Variants in PELI3 observed in about 807,000 individuals in gnomAD.
PELI3 encodes the protein pellino E3 ubiquitin protein ligase family member 3, also known as E3 ubiquitin-protein ligase pellino homolog 3.
Under a neutral mutation model 35.5 loss-of-function variants are expected in PELI3, and 19 were observed. The observed-to-expected ratio is 0.54, with a 90% confidence interval of 0.37 to 0.79. The LOEUF (loss-of-function observed/expected upper bound fraction) is 0.79, where lower values mean the gene tolerates loss of function less well. Ranked by LOEUF, PELI3 falls within the 30% of genes least tolerant of loss-of-function variation. The pLI is 0.00. For missense variants in PELI3, 490 were observed against 661.2 expected (o/e 0.74, Z 2.84); for synonymous variants, 262 against 279.2 (o/e 0.94, Z 0.62).
chr11:66,470,408 C>T (rs1049599405), intron 3 of PELI3, among the ~76,000 whole-genome samples: 1 of 152,234 alleles, frequency 6.6e-6, no homozygotes, highest in Admixed American at 6.5e-5. Context: ...TGGACATTTT[C>T]ACCTACTAGC....
chr11:66,466,334 T>G (rs1460449338), upstream of PELI3: 1 of 152,298 alleles, frequency 6.6e-6, no homozygotes, highest in Non-Finnish European at 1.5e-5. Flanking sequence ...GGAAGACAGG[T>G]CTGCGACTCT....
At chr11:66,469,183 G>C (rs907342352) in intron 3 of PELI3, among the ~76,000 whole-genome samples, 2 of 150,674 alleles carry the variant, frequency 1.3e-5, no homozygotes, top group African/African-American at 4.9e-5. Context: ...CAGTCCTAAA[G>C]AAACTATTTG....
At chr11:66,474,522 C>T (rs920965015) in intron 7 of PELI3, 4 of 171,162 alleles carry the variant, frequency 2.3e-5, no homozygotes, top group Non-Finnish European at 3.7e-5. Context: ...CACTGCTCTT[C>T]TCTGGCATGA....
rs1447611373 is a variant in PELI3, at chr11:66,473,605, A to G, written c.652-132A>G. Reference sequence around the variant, plus strand: ...CAAAGTGAGGCCCAGAGAGACGCTCAAGTCATGCAGCTTCAATGCCAGTCC... The same window carrying G: ...CAAAGTGAGGCCCAGAGAGACGCTCGAGTCATGCAGCTTCAATGCCAGTCC... On this transcript the variant is annotated intron_variant, in intron 6 of 7. Coordinates refer to ENST00000320740, the MANE Select transcript of PELI3 (RefSeq NM_145065.3). This position sits in a 1 kb window ranked among gnomAD's most constrained non-coding sequence, Gnocchi z 5.8. 4 of 1,358,196 alleles carry G rather than the reference A, an allele frequency of 2.9e-6. No homozygotes were observed. The highest frequency in any genetic ancestry group is 2.9e-5 in the African/African-American group (2 of 67,878). The allele number at this position is 1,358,196 out of a possible 1,614,324, so 84.1% of individuals were successfully genotyped here.
At chr11:66,471,400 C>T (rs1854712258) in intron 4 of PELI3, 29 bp downstream of exon 4, 2 of 1,607,294 alleles carry the variant, frequency 1.2e-6, no homozygotes, top group South Asian at 1.1e-5. Flanking sequence ...GACCTGAGGT[C>T]CTGCCCTCCC....
intron 3 of PELI3, among the ~76,000 whole-genome samples, chr11:66,469,250 TAAA>T (rs149842578): frequency 6.9e-6 from 1 of 145,386 alleles, no homozygotes. Flanking sequence ...ACACATGCTT[TAAA>T]AAAAAAAAAA....
upstream of PELI3, chr11:66,466,747 A>G (rs1854538649): frequency 6.9e-6 from 1 of 144,722 alleles, no homozygotes; most frequent in Non-Finnish European, 1.5e-5. Flanking sequence ...TCTCCTGCGA[A>G]GGGGCGGAGC....
chr11:66,471,442 T>G (rs1227942534), intron 4 of PELI3, 71 bp downstream of exon 4: 2 of 1,570,378 alleles, frequency 1.3e-6, no homozygotes, highest in African/African-American at 2.7e-5. Context: ...GCCTTCCAGG[T>G]CCTACCTGCC....
In PELI3 at chr11:66,476,182, C is replaced by T; in HGVS notation, c.*15C>T. The T allele has an allele frequency of 2.0e-6, 3 of 1,530,718 alleles. No homozygotes were observed. Among genetic ancestry groups the T allele is most frequent in the Non-Finnish European group, 2.6e-6 (3 of 1,143,394 alleles). 94.8% of individuals were successfully genotyped at this position (1,530,718 alleles called of 1,614,324 possible). A position where few individuals can be genotyped will look rare whatever the true frequency, so the allele number is the denominator to read the frequency against. On this transcript the variant is annotated 3_prime_UTR_variant, in exon 8 of 8. Coordinates refer to ENST00000320740, the MANE Select transcript of PELI3 (RefSeq NM_145065.3). Reference sequence around the variant, plus strand: ...CGCTGGATTAGGCTCCCTGGGGCCCCCTGCTGCTGTGCCCACCTGCCCACC... The same window carrying T: ...CGCTGGATTAGGCTCCCTGGGGCCCTCTGCTGCTGTGCCCACCTGCCCACC...
intron 3 of PELI3, among the ~76,000 whole-genome samples, chr11:66,469,215 AT>A (rs139596578): frequency 9.3e-5 from 14 of 149,740 alleles, no homozygotes; most frequent in African/African-American, 1.7e-4. Flanking sequence ...TATCATTAAG[AT>A]TTTTTTTTAA....
In PELI3 at chr11:66,473,415, T is replaced by C. The variant is rs1854792033; in HGVS notation, c.631T>C (p.Ser211Pro). The C allele has an allele frequency of 6.2e-7, 1 of 1,612,542 alleles. No individual in the cohort carries two copies. The part of the protein sequence containing the change: ...ARIYAAGFDA[S>P]SNIFLGERAA... Reference sequence around the variant, plus strand: ...CATCTATGCCGCTGGCTTCGATGCCTCTAGCAACATCTTCCTTGGAGTGAG... The same window carrying C: ...CATCTATGCCGCTGGCTTCGATGCCCCTAGCAACATCTTCCTTGGAGTGAG... Residue 211 changes from serine to proline, a missense_variant, in exon 6 of 8, where the codon TCT becomes CCT. Ser to Pro is a moderately conservative substitution (Grantham distance 74). Around this residue, in one of 3 missense-constraint regions of PELI3, gnomAD observed 349 missense variants for 484.8 expected, o/e 0.72. Transcript: ENST00000320740. This position sits in a 1 kb window ranked among gnomAD's most constrained non-coding sequence, Gnocchi z 5.8.
At chr11:66,470,420 A>C (rs1451067372) in intron 3 of PELI3, among the ~76,000 whole-genome samples, 1 of 152,240 alleles carries the variant, frequency 6.6e-6, no homozygotes, top group East Asian at 1.9e-4. Flanking sequence ...CCTACTAGCC[A>C]GAGGCAAGTC....
chr11:66,471,230 C>T lies in PELI3; in HGVS notation c.225-12C>T, dbSNP rs180792268. On this transcript the variant is annotated splice_polypyrimidine_tract_variant and intron_variant, in intron 3 of 7. Coordinates refer to ENST00000320740, the MANE Select transcript of PELI3 (RefSeq NM_145065.3). ...CTTGCAACCCCTTCTTCTTAACCCC[C>T]GACATCTACAGCTACAATGGTTGTC... The T allele has an allele frequency of 2.8e-4, 453 of 1,606,296 alleles. 1 individual carries two copies. Among genetic ancestry groups the T allele is most frequent in the East Asian group, 6.3e-4 (28 of 44,698 alleles).
intron 3 of PELI3, among the ~76,000 whole-genome samples, chr11:66,469,324 G>A (rs1045657508): frequency 3.3e-5 from 5 of 150,840 alleles, no homozygotes; most frequent in Admixed American, 6.6e-5. Context: ...TGTGCCAAGC[G>A]CTTTTAAATG....
chr11:66,469,664 C>T (rs147251406), intron 3 of PELI3, among the ~76,000 whole-genome samples: 1 of 152,228 alleles, frequency 6.6e-6, no homozygotes, highest in South Asian at 2.1e-4. Flanking sequence ...TCCTGTCAGC[C>T]CCCTTGGGGA....
At position 66,474,330 on chromosome 11, in the gene PELI3, C is replaced by G. The variant is rs1854828459; in HGVS notation, c.840+405C>G. ...TTGTAGCATGTCTATCACGTTCAGACAGGTTTAGCACTGTTCTCCTCTCGC... is the reference window on the plus strand; with the variant it reads ...TTGTAGCATGTCTATCACGTTCAGAGAGGTTTAGCACTGTTCTCCTCTCGC... On this transcript the variant is annotated intron_variant, in intron 7 of 7. Coordinates refer to ENST00000320740, the MANE Select transcript of PELI3 (RefSeq NM_145065.3). The G allele has an allele frequency of 9.1e-6, 5 of 547,376 alleles. No homozygotes were observed. The Admixed American group carries it at 1.8e-4, about 19-fold the overall frequency. 33.9% of individuals were successfully genotyped at this position (547,376 alleles called of 1,614,324 possible).
chr11:66,475,885 G>T lies in PELI3; in HGVS notation c.1128G>T (p.Glu376Asp). Residue 376 changes from glutamate (E) to aspartate (D), a missense_variant, in exon 8 of 8, where the codon GAG becomes GAT. Physicochemically the swap from Glu to Asp is conservative, Grantham distance 45 (BLOSUM62 2). Transcript: ENST00000320740. ...ACCACGGCTGGGGCTGCCGGCGGGAGCGGGGCCCCCAGGAGCGCGAATGTC... is the reference window on the plus strand; with the variant it reads ...ACCACGGCTGGGGCTGCCGGCGGGATCGGGGCCCCCAGGAGCGCGAATGTC... ...HGYHGWGCRR[E>D]RGPQERECPL... is the part of the protein sequence containing the mutation. 1 of 1,606,940 alleles carries T rather than the reference G, an allele frequency of 6.2e-7. No individual in the cohort carries two copies.
chr11:66,469,160 C>T (rs953562361), intron 3 of PELI3, among the ~76,000 whole-genome samples: 17 of 151,966 alleles, frequency 1.1e-4, no homozygotes, highest in African/African-American at 4.1e-4. Context: ...TCCTTTTGGC[C>T]TCTCTTTGCC....
At position 66,476,123 on chromosome 11, in the gene PELI3, G is replaced by A. The variant is rs753046516; in HGVS notation, c.1366G>A (p.Glu456Lys). The part of the protein sequence containing the change: ...CPFCGAWLTG[E>K]HGCVRLIFQG... ...CTTTTGCGGGGCCTGGCTTACCGGC[G>A]AGCATGGCTGCGTCCGCCTCATTTT... is the stretch of plus-strand genomic sequence containing the variant. The change falls in exon 8 of 8, where the codon GAG becomes AAG. Residue 456 changes from glutamate to lysine, a missense_variant. Glu to Lys is a moderately conservative substitution (Grantham distance 56, BLOSUM62 1). This residue lies in a region of PELI3 where 349 missense variants were observed against 484.8 expected (regional missense o/e 0.72). Coordinates refer to ENST00000320740, the MANE Select transcript of PELI3 (RefSeq NM_145065.3). The A allele has an allele frequency of 6.9e-6, 11 of 1,584,176 alleles. No individual in the cohort carries two copies. The highest frequency in any genetic ancestry group is 2.3e-5 in the South Asian group (2 of 88,660).
Sources: gnomAD v4.1 joint callset for allele counts (sites outside exome capture counted in the v4.1 genomes callset) on GRCh38, gnomAD v4.1.1 for gene constraint, gnomAD v4.1.1 regional missense constraint, Gnocchi (gnomAD v3.1) non-coding constraint, MANE v1.5 for transcripts, NCBI Gene and HGNC (gene_info 2026-07-23, HGNC 2026-07-21) for gene names.